SH3YL1: variants seen among roughly 807,000 people sequenced by gnomAD.
SH3YL1 encodes the protein SH3 and SYLF domain containing 1.
Under a neutral mutation model 45.8 loss-of-function variants are expected in SH3YL1, and 41 were observed. The observed-to-expected ratio is 0.89, with a 90% CI of 0.70 to 1.16. The LOEUF is 1.16. Among genes scored for constraint, SH3YL1 ranks in the 50% most tolerant of loss-of-function variants. The probability of loss-of-function intolerance (pLI) is 0.00; values close to 1 mark genes in which losing one functional copy is unlikely to be tolerated. For missense variants in SH3YL1, 389 were observed against 409.6 expected, an observed-to-expected ratio of 0.95 and a Z score of 0.43; for synonymous variants, 152 against 151.4, an observed-to-expected ratio of 1.00 and a Z score of -0.03.
In SH3YL1 at chr2:230,060, A is replaced by G; in HGVS notation, c.703-16T>C. 8.3e-6 allele frequency: 13 copies of G among 1,572,168 alleles called. No homozygotes were observed. The highest frequency in any genetic ancestry group is 1.1e-5 in the Non-Finnish European group (13 of 1,155,002). Reference sequence around the variant, plus strand: ...ATTCTTTAGCCTGGGAGAAACAAAAAGATAAATACACATAATTTTAAAATC... The same window carrying G: ...ATTCTTTAGCCTGGGAGAAACAAAAGGATAAATACACATAATTTTAAAATC... On this transcript the variant is annotated splice_polypyrimidine_tract_variant and intron_variant, in intron 7 of 9. Coordinates refer to ENST00000356150, the MANE Select transcript of SH3YL1 (RefSeq NM_015677.4).
intron 8 of SH3YL1, among the ~76,000 whole-genome samples, chr2:225,548 G>GCA (rs1250440371): frequency 6.6e-6 from 1 of 152,166 alleles, no homozygotes; most frequent in African/African-American, 2.4e-5. Context: ...CTAAAGACAG[G>GCA]CACACACCAG....
At chr2:250,282 T>G (rs569724883) in intron 2 of SH3YL1, among the ~76,000 whole-genome samples, 75 of 152,176 alleles carry the variant, frequency 4.9e-4, no homozygotes, top group African/African-American at 1.8e-3. Context: ...GAATTAGAAC[T>G]TTGATCTTAA....
Position 231,136 on chromosome 2 carries a change from G to A in SH3YL1, c.589C>T (p.Pro197Ser). The A allele has an allele frequency of 1.2e-6, 2 of 1,614,008 alleles. No homozygotes were observed. Among genetic ancestry groups the A allele is most frequent in the East Asian group, 4.5e-5 (2 of 44,876 alleles). Reference protein sequence around the residue: ...YDILFGDTPRPAQAEDLYEIL... With the variant: ...YDILFGDTPRSAQAEDLYEIL... ...TCATAAAGATCTTCGGCTTGAGCAG[G>A]CCGCGGTGTATCTCCAAATAAAATG... Residue 197 changes from proline (P) to serine (S), a missense_variant, in exon 7 of 10, where the codon CCT becomes TCT. Transcript: ENST00000356150.
At chr2:244,133 T>G (rs528215397) in intron 4 of SH3YL1, among the ~76,000 whole-genome samples, 2 of 151,890 alleles carry the variant, frequency 1.3e-5, no homozygotes, top group East Asian at 3.9e-4. Flanking sequence ...ACGGATAAAA[T>G]GAGAGCGATG....
At chr2:239,259 G>A (rs1668439722) in intron 4 of SH3YL1, among the ~76,000 whole-genome samples, 1 of 152,154 alleles carries the variant, frequency 6.6e-6, no homozygotes, top group Admixed American at 6.5e-5. Flanking sequence ...AATGTCCTAA[G>A]GCATCCATTG....
At chr2:256,142 G>T (rs999765904) in intron 1 of SH3YL1, 2 of 152,196 alleles carry the variant, frequency 1.3e-5, no homozygotes, top group African/African-American at 4.8e-5. Context: ...TATGAATTTT[G>T]TCTGTGCCAG....
chr2:230,830 G>A (rs972454360), intron 7 of SH3YL1, 193 bp downstream of exon 7: 7 of 586,840 alleles, frequency 1.2e-5, no homozygotes, highest in East Asian at 5.8e-5. Flanking sequence ...AATCACAGAG[G>A]ACAAATTATG....
chr2:240,380 A>G (rs916036354), intron 4 of SH3YL1: 1 of 152,332 alleles, frequency 6.6e-6, no homozygotes, highest in Non-Finnish European at 1.5e-5. Context: ...AGAGAGCTCC[A>G]AAGCTCTCCC....
intron 4 of SH3YL1, among the ~76,000 whole-genome samples, chr2:239,302 T>C (rs1286241700): frequency 6.6e-6 from 1 of 152,210 alleles, no homozygotes; most frequent in African/African-American, 2.4e-5. Flanking sequence ...CCAGATATTC[T>C]AGAATAATAG....
chr2:218,402 TA>T lies in SH3YL1; in HGVS notation c.*408del, dbSNP rs1667437401. The T allele has an allele frequency of 9.5e-5, 15 of 157,952 alleles. No homozygotes were observed. In the South Asian group the frequency reaches 3.0e-3, roughly 32 times the overall value. The allele number at this position is 157,952 out of a possible 1,614,324, so 9.8% of individuals were successfully genotyped here. Reference sequence around the variant, plus strand: ...AATACCTACGACTCTAAACATTACTTAATACCTCATTTAAGCTGATTTCTTT... The same window carrying T: ...AATACCTACGACTCTAAACATTACTTATACCTCATTTAAGCTGATTTCTTT... On this transcript the variant is annotated 3_prime_UTR_variant, in exon 10 of 10. Coordinates refer to ENST00000356150, the MANE Select transcript of SH3YL1 (RefSeq NM_015677.4).
chr2:234,474 C>T (rs1668196773), intron 4 of SH3YL1, among the ~76,000 whole-genome samples: 2 of 152,164 alleles, frequency 1.3e-5, no homozygotes, highest in South Asian at 2.1e-4. Context: ...TACAACAAAC[C>T]TCAGCGAGCA....
chr2:256,743 G>A (rs1373641033), intron 1 of SH3YL1: 1 of 152,150 alleles, frequency 6.6e-6, no homozygotes, highest in African/African-American at 2.4e-5. Flanking sequence ...TAATTACCTA[G>A]GATAGGAATT....
intron 3 of SH3YL1, among the ~76,000 whole-genome samples, chr2:248,774 T>C (rs1403575754): frequency 6.6e-6 from 1 of 152,174 alleles, no homozygotes; most frequent in East Asian, 1.9e-4. Context: ...TTGTTTGGTT[T>C]TACTGCTGAG....
Position 218,792 on chromosome 2 carries a change from G to C in SH3YL1, c.*19C>G. On this transcript the variant is annotated 3_prime_UTR_variant, in exon 10 of 10. Coordinates refer to ENST00000356150, the MANE Select transcript of SH3YL1 (RefSeq NM_015677.4). ...AAATAATTTTTTTGTAATTCTCAAA[G>C]AAGAAAATAGTATACGCTTTAATTC... 1 of 1,535,784 alleles carries C rather than the reference G, an allele frequency of 6.5e-7. No individual in the cohort carries two copies. The highest frequency in any genetic ancestry group is 8.8e-7 in the Non-Finnish European group (1 of 1,136,476).
intron 4 of SH3YL1, among the ~76,000 whole-genome samples, chr2:237,140 T>A (rs3791217): frequency 0.91 from 138,410 of 151,576 alleles, 63,308 homozygotes; most frequent in African/African-American, 0.97. Context: ...TTCCCACATT[T>A]CCCACTCGGA....
In SH3YL1 at chr2:234,304, C is replaced by T. The variant is rs144102049; in HGVS notation, c.292-32G>A. ...TGTAGAAACCCATGGATTTAAAAATCGTTAAGACTAAATATCATTTAAAAT... is the reference window on the plus strand; with the variant it reads ...TGTAGAAACCCATGGATTTAAAAATTGTTAAGACTAAATATCATTTAAAAT... On this transcript the variant is annotated intron_variant, in intron 4 of 9. Transcript: ENST00000356150. The T allele has an allele frequency of 2.1e-4, 324 of 1,514,244 alleles. 1 individual carries two copies. In the East Asian group the frequency reaches 5.9e-3, roughly 28 times the overall value. The allele number at this position is 1,514,244 out of a possible 1,614,324, so 93.8% of individuals were successfully genotyped here.
At chr2:256,972 G>A (rs1253417331) in intron 1 of SH3YL1, among the ~76,000 whole-genome samples, 1 of 152,172 alleles carries the variant, frequency 6.6e-6, no homozygotes, top group Non-Finnish European at 1.5e-5. Flanking sequence ...TTTCTCAGAT[G>A]ACTAATGATG....
chr2:252,936 C>T (rs1197480551), intron 2 of SH3YL1, 69 bp downstream of exon 2: 17 of 948,584 alleles, frequency 1.8e-5, no homozygotes, highest in African/African-American at 5.0e-5. Flanking sequence ...AATGGAGTGT[C>T]GAACAATGCA....
chr2:256,481 C>G (rs1375063848), intron 1 of SH3YL1: 1 of 152,184 alleles, frequency 6.6e-6, no homozygotes, highest in Non-Finnish European at 1.5e-5. Context: ...CACCTGAGGT[C>G]AGGAGTTCAA....
Sources: gnomAD v4.1 joint callset for allele counts (sites outside exome capture counted in the v4.1 genomes callset) on GRCh38, gnomAD v4.1.1 for gene constraint, MANE v1.5 for transcripts, NCBI Gene and HGNC (gene_info 2026-07-23, HGNC 2026-07-21) for gene names.